The following KANK1 variants were observed in gnomAD, a reference collection of about 807,000 sequenced individuals.
KANK1 encodes KN motif and ankyrin repeat domain-containing protein 1.
Under a neutral mutation model 106.2 loss-of-function variants are expected in KANK1, and 109 were observed. The ratio of observed to expected loss-of-function variants is 1.03; its 90% CI spans 0.88 to 1.20. The LOEUF is 1.20. Ranked by LOEUF, KANK1 falls within the 50% of genes most tolerant of loss-of-function variation. KANK1 has a pLI of 0.00. For missense variants in KANK1, 2,399 were observed against 1,710.7 expected (o/e 1.40, Z -7.10); for synonymous variants, 873 against 652.2 (o/e 1.34, Z -5.16).
At chr9:519,041 C>T (rs1000357680) in intron 1 of KANK1, among the ~76,000 whole-genome samples, 1 of 151,582 alleles carries the variant, frequency 6.6e-6, no homozygotes, top group African/African-American at 2.4e-5. Context: ...CAGGCATGCA[C>T]CACCAGGCCT....
intron 1 of KANK1, among the ~76,000 whole-genome samples, chr9:568,505 C>A (rs1038549571): frequency 2.5e-4 from 38 of 152,214 alleles, no homozygotes; most frequent in African/African-American, 8.9e-4. Flanking sequence ...GGCTGGAGTG[C>A]AGTGGCATGA....
chr9:617,459 A>G (rs1404419207), intron 1 of KANK1, among the ~76,000 whole-genome samples: 1 of 152,184 alleles, frequency 6.6e-6, no homozygotes, highest in Non-Finnish European at 1.5e-5. Flanking sequence ...TGTTTAGTCT[A>G]AGAAGTAGTT....
intron 1 of KANK1, among the ~76,000 whole-genome samples, chr9:577,301 A>G (rs536117356): frequency 1.3e-5 from 2 of 152,236 alleles, no homozygotes; most frequent in African/African-American, 4.8e-5. Flanking sequence ...TGATTGATCC[A>G]TTTTACAGAG....
intron 3 of KANK1, among the ~76,000 whole-genome samples, chr9:717,562 A>G (rs541546279): frequency 6.6e-6 from 1 of 152,308 alleles, no homozygotes; most frequent in South Asian, 2.1e-4. Flanking sequence ...CCTGATAGTG[A>G]CCAGAGGTGT....
At chr9:679,089 T>C (rs1451068482) in intron 2 of KANK1, among the ~76,000 whole-genome samples, 1 of 152,204 alleles carries the variant, frequency 6.6e-6, no homozygotes, top group Non-Finnish European at 1.5e-5. Context: ...CCTGGTATCC[T>C]GCCTAACAGG....
chr9:711,868 C>A lies in KANK1; in HGVS notation c.1102C>A (p.Arg368=), dbSNP rs1368166528. Residue 368 remains arginine, a synonymous_variant, in exon 3 of 12, where the codon CGG becomes AGG. Transcript: ENST00000382297. The stretch of plus-strand genomic sequence containing the variant: ...GAGCACGCAGAGGATAAAGGAGTTC[C>A]GGCAACTTACAGCAGACATGCAAGC... The part of the protein sequence containing the change: ...EQSTQRIKEF[R]QLTADMQALE... The A allele has an allele frequency of 6.2e-7, 1 of 1,614,152 alleles. No homozygotes were observed. The highest frequency in any genetic ancestry group is 2.2e-5 in the East Asian group (1 of 44,882).
intron 1 of KANK1, among the ~76,000 whole-genome samples, chr9:527,869 C>CG (rs1199765909): frequency 6.7e-6 from 1 of 149,648 alleles, no homozygotes. Flanking sequence ...TTTTTAGGGG[C>CG]GGGGCGCGAT....
chr9:520,305 C>T (rs982964671), intron 1 of KANK1, among the ~76,000 whole-genome samples: 4 of 151,674 alleles, frequency 2.6e-5, no homozygotes, highest in African/African-American at 7.3e-5. Flanking sequence ...TACCACTGCA[C>T]TCCAGCCTGC....
intron 1 of KANK1, among the ~76,000 whole-genome samples, chr9:568,428 T>C (rs1182944041): frequency 6.6e-6 from 1 of 152,162 alleles, no homozygotes; most frequent in Non-Finnish European, 1.5e-5. Context: ...TGGATGTATT[T>C]ATGTGTAAGT....
At chr9:584,713 A>G (rs1823019664) in intron 1 of KANK1, among the ~76,000 whole-genome samples, 1 of 152,200 alleles carries the variant, frequency 6.6e-6, no homozygotes, top group Admixed American at 6.5e-5. Flanking sequence ...TGGAAGAGAA[A>G]AGGCGGGAAG....
intron 1 of KANK1, among the ~76,000 whole-genome samples, chr9:567,838 G>C (rs1225173077): frequency 1.3e-5 from 2 of 152,158 alleles, no homozygotes; most frequent in Non-Finnish European, 2.9e-5. Context: ...GTACGTTCTT[G>C]CAGTATAGAA....
chr9:520,348 AAT>A (rs1297956511), intron 1 of KANK1, among the ~76,000 whole-genome samples: 3 of 151,638 alleles, frequency 2.0e-5, no homozygotes, highest in Non-Finnish European at 2.9e-5. Context: ...CAAAAAAATA[AAT>A]AAAAATTAAA....
At chr9:626,123 G>A (rs1435001744) in intron 1 of KANK1, among the ~76,000 whole-genome samples, 3 of 152,130 alleles carry the variant, frequency 2.0e-5, no homozygotes, top group Non-Finnish European at 4.4e-5. Flanking sequence ...TAGGATTACT[G>A]AAGAAATGAA....
intron 1 of KANK1, among the ~76,000 whole-genome samples, chr9:653,169 C>G (rs946997694): frequency 1.3e-5 from 2 of 152,140 alleles, no homozygotes; most frequent in Non-Finnish European, 2.9e-5. Context: ...GAATGTCTGT[C>G]AGGCCTGGAA....
At chr9:527,218 C>G (rs1016521739) in intron 1 of KANK1, among the ~76,000 whole-genome samples, 1 of 151,820 alleles carries the variant, frequency 6.6e-6, no homozygotes, top group South Asian at 2.1e-4. Flanking sequence ...TGTACCTTCT[C>G]TCTGTTTCTC....
intron 1 of KANK1, among the ~76,000 whole-genome samples, chr9:657,636 T>C (rs1428189850): frequency 6.6e-6 from 1 of 152,138 alleles, no homozygotes; most frequent in African/African-American, 2.4e-5. Flanking sequence ...GTTCTGCCTT[T>C]TTAAACTCCA....
At chr9:673,665 C>T (rs1446722372) in intron 1 of KANK1, 1 of 152,116 alleles carries the variant, frequency 6.6e-6, no homozygotes, top group Non-Finnish European at 1.5e-5. Flanking sequence ...GTTTCAATAA[C>T]AGGAGAGGAC....
intron 2 of KANK1, among the ~76,000 whole-genome samples, chr9:694,460 TA>T (rs1480591173): frequency 1.3e-5 from 2 of 152,194 alleles, no homozygotes; most frequent in East Asian, 3.8e-4. Context: ...CAACAACTTT[TA>T]AAATGAGACA....
At chr9:481,280 AAAAAC>A (rs1002567215) in intron 3 of KANK1, among the ~76,000 whole-genome samples, 4 of 145,878 alleles carry the variant, frequency 2.7e-5, no homozygotes, top group African/African-American at 1.0e-4. Context: ...ATCTGTATTT[AAAAAC>A]AAAACAAAAC....
Sources: gnomAD v4.1 joint callset for allele counts (sites outside exome capture counted in the v4.1 genomes callset) on GRCh38, gnomAD v4.1.1 for gene constraint, MANE v1.5 for transcripts, NCBI Gene and HGNC (gene_info 2026-07-23, HGNC 2026-07-21) for gene names.